TAFA4: variants seen among roughly 807,000 people sequenced by gnomAD.
TAFA4 encodes the protein chemokine-like protein TAFA-4.
In TAFA4, 20 loss-of-function variants were observed where a neutral mutation model predicts 21.1. The observed-to-expected ratio is 0.95, with a 90% confidence interval of 0.67 to 1.38. The LOEUF is 1.38. TAFA4 is among the 40% of genes most tolerant of loss of function. The pLI is 0.00. For missense variants in TAFA4, 211 were observed against 180.9 expected (o/e 1.17, Z -0.95); for synonymous variants, 71 against 67.4 (o/e 1.05, Z -0.26).
At chr3:68,803,564 A>G (rs1045200948) in intron 3 of TAFA4, among the ~76,000 whole-genome samples, 1 of 152,100 alleles carries the variant, frequency 6.6e-6, no homozygotes, top group South Asian at 2.1e-4. Context: ...GGAGGGAAGT[A>G]CTAAGAAGTC....
At chr3:68,885,129 A>G (rs375863275) in intron 2 of TAFA4, 46 bp downstream of exon 2, 11 of 1,598,520 alleles carry the variant, frequency 6.9e-6, no homozygotes, top group Middle Eastern at 1.7e-4. Context: ...AATTCTCAAT[A>G]CTTTGTAAAG....
intron 3 of TAFA4, among the ~76,000 whole-genome samples, chr3:68,871,511 T>C (rs1195751653): frequency 6.6e-6 from 1 of 152,146 alleles, no homozygotes; most frequent in Non-Finnish European, 1.5e-5. Context: ...TTCAAGACAT[T>C]GGTCCGGGCA....
At chr3:68,817,249 C>T (rs949459585) in intron 3 of TAFA4, among the ~76,000 whole-genome samples, 17 of 152,176 alleles carry the variant, frequency 1.1e-4, no homozygotes, top group African/African-American at 4.1e-4. Flanking sequence ...TTTCTTTGTT[C>T]ATCCGTAAGA....
intron 3 of TAFA4, among the ~76,000 whole-genome samples, chr3:68,824,561 T>C (rs530494735): frequency 6.6e-6 from 1 of 152,326 alleles, no homozygotes; most frequent in African/African-American, 2.4e-5. Context: ...CTCAAGATCC[T>C]TCATTACATC....
chr3:68,827,856 C>A (rs1224307134), intron 3 of TAFA4, among the ~76,000 whole-genome samples: 4 of 152,256 alleles, frequency 2.6e-5, no homozygotes, highest in East Asian at 1.9e-4. Context: ...ATGATAGTTT[C>A]TTTTCCTGTG....
chr3:68,822,374 T>A (rs1449883535), intron 3 of TAFA4, among the ~76,000 whole-genome samples: 1 of 152,210 alleles, frequency 6.6e-6, no homozygotes, highest in Non-Finnish European at 1.5e-5. Context: ...CACAATCTAC[T>A]TGGCCTTTTT....
At chr3:68,737,071 G>T (rs779689092) in intron 5 of TAFA4, among the ~76,000 whole-genome samples, 1 of 152,014 alleles carries the variant, frequency 6.6e-6, no homozygotes, top group Admixed American at 6.6e-5. Flanking sequence ...ATAGAAAGCC[G>T]TTCTACCAAG....
At chr3:68,759,652 C>T (rs761780914) in intron 3 of TAFA4, among the ~76,000 whole-genome samples, 8 of 152,102 alleles carry the variant, frequency 5.3e-5, no homozygotes, top group South Asian at 2.1e-4. Context: ...ATATTGAGAA[C>T]ATAACATGAG....
At chr3:68,768,569 T>TC (rs2106778809) in intron 3 of TAFA4, among the ~76,000 whole-genome samples, 1 of 152,144 alleles carries the variant, frequency 6.6e-6, no homozygotes, top group East Asian at 1.9e-4. Flanking sequence ...TAGAAGACTA[T>TC]CTCATGTTCC....
At chr3:68,908,390 C>A (rs911313018) in intron 1 of TAFA4, among the ~76,000 whole-genome samples, 3 of 152,264 alleles carry the variant, frequency 2.0e-5, no homozygotes, top group African/African-American at 7.2e-5. Context: ...CCACGAGGCT[C>A]TATCCAGAGC....
At chr3:68,845,472 A>T (rs942734599) in intron 3 of TAFA4, among the ~76,000 whole-genome samples, 3 of 152,052 alleles carry the variant, frequency 2.0e-5, no homozygotes, top group Admixed American at 6.6e-5. Flanking sequence ...CTCTTTATCC[A>T]ATTTGCCAGT....
chr3:68,849,070 A>G (rs540168848), intron 3 of TAFA4, among the ~76,000 whole-genome samples: 6 of 152,362 alleles, frequency 3.9e-5, no homozygotes, highest in African/African-American at 1.4e-4. Context: ...TGATAAAAAT[A>G]CAATGATAAA....
chr3:68,830,465 C>T (rs536663737), intron 3 of TAFA4, among the ~76,000 whole-genome samples: 1 of 152,280 alleles, frequency 6.6e-6, no homozygotes, highest in South Asian at 2.1e-4. Flanking sequence ...CATTCAGGAG[C>T]AGATTGTTCA....
intron 1 of TAFA4, among the ~76,000 whole-genome samples, chr3:68,901,059 G>C (rs2089840154): frequency 1.3e-5 from 2 of 152,152 alleles, no homozygotes; most frequent in African/African-American, 4.8e-5. Flanking sequence ...AATAATTCCA[G>C]AATTAGCTGT....
chr3:68,931,844 G>T (rs981232509), intron 1 of TAFA4, among the ~76,000 whole-genome samples: 7 of 152,188 alleles, frequency 4.6e-5, no homozygotes, highest in Admixed American at 1.3e-4. Context: ...AGATTAAAGG[G>T]ATGAAGCGCT....
At position 68,861,346 on chromosome 3, in the gene TAFA4, G is replaced by C. The variant is rs970734877; in HGVS notation, c.130+19384C>G. Among the ~76,000 whole-genome samples, 4 of 151,936 alleles carry C rather than the reference G, an allele frequency of 2.6e-5. No individual in the cohort carries two copies. In the South Asian group the frequency reaches 8.3e-4, roughly 32 times the overall value. ...TTCCCACTTGTATATGAAAAGCTGA[G>C]ACGACAGGCTGCAGGAAAAATTACT... On this transcript the variant is annotated intron_variant, in intron 3 of 5. Coordinates refer to ENST00000295569, the MANE Select transcript of TAFA4 (RefSeq NM_182522.5).
At chr3:68,896,268 G>A (rs1317586475) in intron 1 of TAFA4, among the ~76,000 whole-genome samples, 2 of 152,134 alleles carry the variant, frequency 1.3e-5, no homozygotes, top group Admixed American at 6.5e-5. Context: ...AGAAACAGGA[G>A]ATGGTTTAGG....
chr3:68,878,716 A>G (rs1189166964), intron 3 of TAFA4, among the ~76,000 whole-genome samples: 7 of 152,312 alleles, frequency 4.6e-5, no homozygotes, highest in South Asian at 2.1e-4. Flanking sequence ...CTGCTCAATT[A>G]TGATGGAAAA....
intron 1 of TAFA4, among the ~76,000 whole-genome samples, chr3:68,906,270 T>C (rs2089899928): frequency 6.6e-6 from 1 of 152,216 alleles, no homozygotes; most frequent in Non-Finnish European, 1.5e-5. Context: ...AAATCAGGTA[T>C]TGATTACACA....
Sources: gnomAD v4.1 joint callset for allele counts (sites outside exome capture counted in the v4.1 genomes callset) on GRCh38, gnomAD v4.1.1 for gene constraint, MANE v1.5 for transcripts, NCBI Gene and HGNC (gene_info 2026-07-23, HGNC 2026-07-21) for gene names.